The following CECR2 variants were observed in gnomAD, a reference collection of about 807,000 sequenced individuals.
The protein encoded by CECR2 is CECR2 histone acetyl-lysine reader.
In CECR2, 30 loss-of-function variants were observed where a neutral mutation model predicts 154.5. That is an observed-to-expected ratio of 0.19 (90% CI 0.15 to 0.26). The LOEUF is 0.26. Ranked by LOEUF, CECR2 falls within the 10% of genes least tolerant of loss-of-function variation. The pLI is 1.00. For missense variants in CECR2, 1,743 were observed against 1,829.3 expected, an observed-to-expected ratio of 0.95 and a Z score of 0.86; for synonymous variants, 725 against 683.7, an observed-to-expected ratio of 1.06 and a Z score of -0.94.
At chr22:17,363,510 T>A (rs1197831044) in intron 1 of CECR2, among the ~76,000 whole-genome samples, 1 of 152,068 alleles carries the variant, frequency 6.6e-6, no homozygotes, top group South Asian at 2.1e-4. Flanking sequence ...GCCAGGCCAA[T>A]TTTTGTATTT....
At chr22:17,370,218 C>G (rs2063038808) in intron 1 of CECR2, among the ~76,000 whole-genome samples, 1 of 150,392 alleles carries the variant, frequency 6.6e-6, no homozygotes. Context: ...CCTCCCGGGA[C>G]TTCTCCGGTG....
intron 1 of CECR2, among the ~76,000 whole-genome samples, chr22:17,466,415 ACT>A (rs1229399853): frequency 6.6e-6 from 1 of 152,128 alleles, no homozygotes; most frequent in South Asian, 2.1e-4. Context: ...ATTCAAGGTA[ACT>A]CTATTTTGTG....
intron 1 of CECR2, among the ~76,000 whole-genome samples, chr22:17,375,408 C>A (rs1420881149): frequency 6.6e-6 from 1 of 152,134 alleles, no homozygotes; most frequent in African/African-American, 2.4e-5. Flanking sequence ...AGCCACTACA[C>A]CCAGCCAGCA....
intron 9 of CECR2, among the ~76,000 whole-genome samples, chr22:17,532,062 C>T (rs939626971): frequency 1.3e-5 from 2 of 151,852 alleles, no homozygotes; most frequent in African/African-American, 2.4e-5. Context: ...CCCAGCTACT[C>T]GGGAGGCTGA....
intron 1 of CECR2, among the ~76,000 whole-genome samples, chr22:17,414,148 AT>A (rs770415676): frequency 6.7e-6 from 1 of 148,700 alleles, no homozygotes; most frequent in Non-Finnish European, 1.5e-5. Flanking sequence ...AATTTTTTGT[AT>A]TTTTAGTAGA....
rs530980865 is a variant in CECR2 at position 17,382,680 on chromosome 22, G to A, written c.126+12771G>A. On this transcript the variant is annotated intron_variant, in intron 1 of 18. Transcript: ENST00000262608. ...AACACTTTGGGAGGCTGAGGCTGGC[G>A]AATGGCTTGAGCCCAGGAGTTTGAG... 2.9e-4 allele frequency among the ~76,000 whole-genome samples: 44 copies of A among 152,178 alleles called. No homozygotes were observed. In the East Asian group the frequency reaches 3.5e-3, roughly 12 times the overall value.
intron 13 of CECR2, 55 bp from the exon 14 acceptor site, chr22:17,540,357 T>G (rs2056502875): frequency 7.1e-7 from 1 of 1,415,782 alleles, no homozygotes. Flanking sequence ...CTATAGTTTC[T>G]ATAAACAATT....
chr22:17,466,191 G>A (rs951167375), intron 1 of CECR2, among the ~76,000 whole-genome samples: 6 of 152,230 alleles, frequency 3.9e-5, no homozygotes, highest in Admixed American at 1.3e-4. Flanking sequence ...GTCTCCCAAA[G>A]TGGGAATACA....
At chr22:17,434,975 CTAA>C (rs2054481161) in intron 1 of CECR2, among the ~76,000 whole-genome samples, 1 of 152,086 alleles carries the variant, frequency 6.6e-6, no homozygotes, top group Non-Finnish European at 1.5e-5. Context: ...TGATGTAGGG[CTAA>C]TGTCGAAACT....
chr22:17,363,366 C>A (rs1601224586), intron 1 of CECR2, among the ~76,000 whole-genome samples: 1 of 152,118 alleles, frequency 6.6e-6, no homozygotes, highest in South Asian at 2.1e-4. Flanking sequence ...CCACCATGCC[C>A]AGCTAATTTT....
Position 17,549,390 on chromosome 22 carries a change from C to T in CECR2, c.4103C>T (p.Ala1368Val). The stretch of plus-strand genomic sequence containing the variant: ...CCCAGGGCTTACTCTTCCCCTGTGG[C>T]TGCCCTCCCACCTCACCACCCAGGG... Reference protein sequence around the residue: ...FQPRAYSSPVAALPPHHPGAT... With the variant: ...FQPRAYSSPVVALPPHHPGAT... The change falls in exon 17 of 19, where the codon GCT becomes GTT. Residue 1368 changes from alanine (A) to valine (V), a missense_variant. Physicochemically the swap from Ala to Val is moderately conservative, Grantham distance 64. Coordinates refer to ENST00000262608, the MANE Select transcript of CECR2 (RefSeq NM_001290047.2). 1 of 1,613,920 alleles carries T rather than the reference C, an allele frequency of 6.2e-7. No homozygotes were observed. The highest frequency in any genetic ancestry group is 8.5e-7 in the Non-Finnish European group (1 of 1,179,864).
intron 7 of CECR2, 94 bp from the exon 8 acceptor site, chr22:17,511,719 C>T: frequency 1.9e-6 from 2 of 1,077,504 alleles, no homozygotes; most frequent in Non-Finnish European, 2.8e-6. Flanking sequence ...CCTCATTGGC[C>T]ACTTTTTTAC....
rs1204280571 is a variant in CECR2 at position 17,397,946 on chromosome 22, ATCTTTGT to A, written c.126+28038_126+28044del. Reference sequence around the variant, plus strand: ...TTGGGAAATTCTGTACCATGTCATCATCTTTGTCAGTGGTCCTGTTGGATTGTTCATG... The same window carrying A: ...TTGGGAAATTCTGTACCATGTCATCACAGTGGTCCTGTTGGATTGTTCATG... On this transcript the variant is annotated intron_variant, in intron 1 of 18. Transcript: ENST00000262608. Among the ~76,000 whole-genome samples, 6 of 152,170 alleles carry A rather than the reference ATCTTTGT, an allele frequency of 3.9e-5. No homozygotes were observed. In the East Asian group the frequency reaches 5.8e-4, roughly 15 times the overall value.
At chr22:17,477,050 T>C (rs1265930516) in intron 1 of CECR2, 3 of 709,512 alleles carry the variant, frequency 4.2e-6, no homozygotes, top group Admixed American at 2.0e-5. Context: ...TCATCAGCCA[T>C]GTAGGTGTGG....
intron 2 of CECR2, among the ~76,000 whole-genome samples, chr22:17,483,361 A>G (rs947677671): frequency 6.6e-6 from 1 of 152,170 alleles, no homozygotes; most frequent in Non-Finnish European, 1.5e-5. Context: ...GGAGTTCGAG[A>G]CCAGCCTGGG....
intron 9 of CECR2, among the ~76,000 whole-genome samples, chr22:17,525,794 G>A (rs1034731602): frequency 3.3e-5 from 5 of 151,928 alleles, no homozygotes; most frequent in African/African-American, 1.2e-4. Context: ...TTATTTAATA[G>A]GGTCCTTATT....
chr22:17,478,705 A>T (rs1320695739), intron 2 of CECR2, among the ~76,000 whole-genome samples: 2 of 152,124 alleles, frequency 1.3e-5, no homozygotes, highest in East Asian at 3.9e-4. Flanking sequence ...GGGCTGGGAA[A>T]CGATGCTTGT....
At chr22:17,474,863 G>A (rs1299669291) in intron 1 of CECR2, among the ~76,000 whole-genome samples, 1 of 152,000 alleles carries the variant, frequency 6.6e-6, no homozygotes, top group Non-Finnish European at 1.5e-5. Flanking sequence ...ATGGGGTCTC[G>A]CTATGTTCCT....
At chr22:17,530,316 C>G (rs748903049) in intron 9 of CECR2, among the ~76,000 whole-genome samples, 2 of 151,014 alleles carry the variant, frequency 1.3e-5, no homozygotes, top group Non-Finnish European at 2.9e-5. Flanking sequence ...TGCATACTTT[C>G]AAGGAGAGGA....
Sources: gnomAD v4.1 joint callset for allele counts (sites outside exome capture counted in the v4.1 genomes callset) on GRCh38, gnomAD v4.1.1 for gene constraint, MANE v1.5 for transcripts, NCBI Gene and HGNC (gene_info 2026-07-23, HGNC 2026-07-21) for gene names.